The following CEP63 variants were observed in gnomAD, a reference collection of about 807,000 sequenced individuals.
CEP63 encodes the protein centrosomal protein 63, also known as centrosomal protein of 63 kDa.
Under a neutral mutation model 89.1 loss-of-function variants are expected in CEP63, and 84 were observed. The ratio of observed to expected loss-of-function variants is 0.94; its 90% CI spans 0.79 to 1.13. The LOEUF is 1.13. CEP63 is among the 50% of genes most tolerant of loss of function. The pLI, the probability that CEP63 is intolerant of heterozygous loss-of-function variation, is 0.00. For missense variants in CEP63, 838 were observed against 813.3 expected (o/e 1.03, Z -0.37); for synonymous variants, 267 against 272.5 (o/e 0.98, Z 0.20).
At chr3:134,761,052 T>C in the CEP63 span, among the ~76,000 whole-genome samples, 489 of 152,322 alleles carry the variant, frequency 3.2e-3, no homozygotes, top group Non-Finnish European at 5.2e-3. Flanking sequence ...GGAATCTTTT[T>C]TGCTGTTAGA....
chr3:134,578,362 C>T (rs575932356), downstream of CEP63, among the ~76,000 whole-genome samples: 1 of 121,064 alleles, frequency 8.3e-6, no homozygotes, highest in East Asian at 2.4e-4. Flanking sequence ...TGGAGTCTTG[C>T]TCTGGTCACC....
In CEP63 at chr3:134,495,287, C is replaced by A; in HGVS notation, c.-25-9C>A. On this transcript the variant is annotated splice_polypyrimidine_tract_variant and intron_variant, in intron 1 of 14. Coordinates refer to ENST00000675561, the MANE Select transcript of CEP63 (RefSeq NM_001353108.3). ...ATTGTCTCATGACTGATATTTTTTT[C>A]TTTGTCAGTTGCCAAAACAAAGGGG... 6.2e-7 allele frequency: 1 copy of A among 1,603,022 alleles called. No individual in the cohort carries two copies. Among genetic ancestry groups the A allele is most frequent in the Non-Finnish European group, 8.5e-7 (1 of 1,170,320 alleles).
the CEP63 span, among the ~76,000 whole-genome samples, chr3:134,661,726 G>T: frequency 6.6e-6 from 1 of 152,092 alleles, no homozygotes; most frequent in East Asian, 1.9e-4. Context: ...AAGGCTGGAA[G>T]GCTGGAAGGC....
At chr3:134,548,180 T>G (rs1953987290) in intron 9 of CEP63, among the ~76,000 whole-genome samples, 1 of 152,220 alleles carries the variant, frequency 6.6e-6, no homozygotes, top group Admixed American at 6.5e-5. Context: ...CTCCGTCAAG[T>G]TATTTCCACA....
intron 2 of CEP63, among the ~76,000 whole-genome samples, chr3:134,498,669 C>A (rs1035567496): frequency 3.3e-5 from 5 of 152,128 alleles, no homozygotes; most frequent in African/African-American, 1.2e-4. Flanking sequence ...TTTTCCCCAT[C>A]CAGTATAATG....
At chr3:134,550,407 T>C (rs556747134) in intron 11 of CEP63, 147 bp downstream of exon 11, 18 of 794,700 alleles carry the variant, frequency 2.3e-5, no homozygotes, top group Admixed American at 1.5e-4. Flanking sequence ...GCAAAGAGTT[T>C]AGTGAGCATG....
At chr3:134,532,940 C>T in intron 5 of CEP63, 40 bp downstream of exon 5, 1 of 1,608,182 alleles carries the variant, frequency 6.2e-7, no homozygotes, top group Non-Finnish European at 8.5e-7. Flanking sequence ...TGATTGTCAG[C>T]CTTCACGTAG....
At chr3:134,501,238 A>G (rs1015459470) in intron 2 of CEP63, among the ~76,000 whole-genome samples, 3 of 152,154 alleles carry the variant, frequency 2.0e-5, no homozygotes, top group Non-Finnish European at 4.4e-5. Flanking sequence ...TGGTTACTAT[A>G]GCATTGTAGT....
chr3:134,586,994 G>A (rs534489007), intron 10 of CEP63, among the ~76,000 whole-genome samples: 2 of 152,268 alleles, frequency 1.3e-5, no homozygotes, highest in East Asian at 1.9e-4. Context: ...GGCTATTGAA[G>A]GTTGTGCATG....
At chr3:134,747,164 A>G in the CEP63 span, among the ~76,000 whole-genome samples, 37 of 152,330 alleles carry the variant, frequency 2.4e-4, no homozygotes, top group African/African-American at 8.9e-4. Flanking sequence ...TCCCAGCACC[A>G]GTTATTAAAT....
chr3:134,487,794 T>G (rs1445544094), intron 1 of CEP63, among the ~76,000 whole-genome samples: 1 of 152,254 alleles, frequency 6.6e-6, no homozygotes, highest in African/African-American at 2.4e-5. Context: ...CAACTGTCTC[T>G]TAAATGTCTT....
At chr3:134,619,260 C>T in the CEP63 span, 26 of 1,612,916 alleles carry the variant, frequency 1.6e-5, no homozygotes, top group Middle Eastern at 8.2e-4. Context: ...GCTGCAATGT[C>T]ATACTCTATA....
downstream of CEP63, among the ~76,000 whole-genome samples, chr3:134,591,135 T>C (rs13088413): frequency 0.34 from 51,422 of 152,110 alleles, 9,114 homozygotes; most frequent in African/African-American, 0.43. Context: ...ACTCTCACCC[T>C]TGATTGAGAT....
chr3:134,540,526 A>G (rs573629953), intron 6 of CEP63, among the ~76,000 whole-genome samples: 1 of 152,288 alleles, frequency 6.6e-6, no homozygotes, highest in East Asian at 1.9e-4. Context: ...GACTTTCTCT[A>G]GCAGTATGTG....
chr3:134,670,593 C>T, the CEP63 span, among the ~76,000 whole-genome samples: 2 of 152,330 alleles, frequency 1.3e-5, no homozygotes, highest in East Asian at 1.9e-4. Context: ...AGTCTGATGA[C>T]ACCATGGCTG....
At chr3:134,683,473 A>G in the CEP63 span, among the ~76,000 whole-genome samples, 6 of 152,180 alleles carry the variant, frequency 3.9e-5, no homozygotes, top group African/African-American at 1.4e-4. Flanking sequence ...TAAGTATTTT[A>G]TAAAGGGCCA....
chr3:134,773,502 T>C, the CEP63 span, among the ~76,000 whole-genome samples: 1 of 152,180 alleles, frequency 6.6e-6, no homozygotes, highest in African/African-American at 2.4e-5. Flanking sequence ...AAAATTCAAG[T>C]GCACCCTGCT....
chr3:134,710,699 T>A, the CEP63 span, among the ~76,000 whole-genome samples: 1,298 of 150,322 alleles, frequency 8.6e-3, 20 homozygotes, highest in South Asian at 0.056. Flanking sequence ...TTTAGATTTA[T>A]CCATTCCTTT....
intron 2 of CEP63, among the ~76,000 whole-genome samples, chr3:134,506,477 C>T (rs979636210): frequency 4.6e-5 from 7 of 152,108 alleles, no homozygotes; most frequent in Admixed American, 6.5e-5. Flanking sequence ...GTTACAGAGG[C>T]GCTTGTTGGC....
Sources: allele counts gnomAD v4.1 joint callset (sites outside exome capture counted in the v4.1 genomes callset), GRCh38; gene constraint gnomAD v4.1.1; transcripts MANE v1.5; gene names NCBI Gene and HGNC (gene_info 2026-07-23, HGNC 2026-07-21).